Variants in RSBN1L observed in about 807,000 individuals in gnomAD.
RSBN1L encodes the protein round spermatid basic protein 1 like.
In RSBN1L, 30 loss-of-function variants were observed where a neutral mutation model predicts 67.7. The observed-to-expected ratio is 0.44, with a 90% CI of 0.33 to 0.60. The LOEUF (loss-of-function observed/expected upper bound fraction) is 0.60. Ranked by LOEUF, RSBN1L falls within the 20% of genes least tolerant of loss-of-function variation. RSBN1L has a pLI of 0.02. For synonymous variants in RSBN1L, 433 were observed against 387.0 expected, an observed-to-expected ratio of 1.12 and a Z score of -1.39; for missense variants, 992 against 1,031.7, an observed-to-expected ratio of 0.96 and a Z score of 0.53.
intron 1 of RSBN1L, among the ~76,000 whole-genome samples, chr7:77,712,179 T>A (rs1790984014): frequency 6.6e-6 from 1 of 152,144 alleles, no homozygotes; most frequent in Non-Finnish European, 1.5e-5. Flanking sequence ...GTTGTTTTAA[T>A]GATTACATTT....
intron 1 of RSBN1L, among the ~76,000 whole-genome samples, chr7:77,715,977 A>G (rs11768148): frequency 0.24 from 36,666 of 152,046 alleles, 4,667 homozygotes; most frequent in South Asian, 0.29. Context: ...AGTTCTTTAC[A>G]TATTCTGGGT....
At position 77,696,983 on chromosome 7, in the gene RSBN1L, G is replaced by C; in HGVS notation, c.514G>C (p.Gly172Arg). The change falls in exon 1 of 8, where the codon GGT (glycine) becomes CGT (arginine). Residue 172 changes from glycine to arginine, a missense_variant. Gly to Arg is a moderately radical substitution (Grantham distance 125). Coordinates refer to ENST00000334955, the MANE Select transcript of RSBN1L (RefSeq NM_198467.3). Reference sequence around the variant, plus strand: ...GCGGGAGAAGGAGAGGAGGAGGCACGGTCTCGGTGGGGCCCGAGAGGCCGG... The same window carrying C: ...GCGGGAGAAGGAGAGGAGGAGGCACCGTCTCGGTGGGGCCCGAGAGGCCGG... ...EKREKERRRH[G>R]LGGAREAGGA... 1.9e-6 allele frequency: 3 copies of C among 1,549,184 alleles called. No homozygotes were observed. The highest frequency in any genetic ancestry group is 2.6e-6 in the Non-Finnish European group (3 of 1,155,248).
intron 1 of RSBN1L, among the ~76,000 whole-genome samples, chr7:77,698,978 G>A (rs141216684): frequency 8.2e-4 from 125 of 152,120 alleles, no homozygotes; most frequent in African/African-American, 2.8e-3. Context: ...CTGTTTTAAC[G>A]AATTAAGAAG....
At chr7:77,719,667 A>G (rs906583213) in intron 1 of RSBN1L, among the ~76,000 whole-genome samples, 7 of 152,204 alleles carry the variant, frequency 4.6e-5, no homozygotes, top group East Asian at 3.8e-4. Context: ...CTGGAGACCA[A>G]TCTTTTCTGA....
At chr7:77,715,095 A>G (rs1791028816) in intron 1 of RSBN1L, among the ~76,000 whole-genome samples, 2 of 151,978 alleles carry the variant, frequency 1.3e-5, no homozygotes, top group Non-Finnish European at 2.9e-5. Flanking sequence ...AGCATGGTGA[A>G]ACCCTATCTC....
chr7:77,737,631 A>G (rs1791354540), intron 2 of RSBN1L, among the ~76,000 whole-genome samples: 1 of 152,120 alleles, frequency 6.6e-6, no homozygotes, highest in South Asian at 2.1e-4. Flanking sequence ...TTGCCTGCAT[A>G]TTCTATCTGT....
chr7:77,725,532 C>T (rs1236972762), intron 1 of RSBN1L, among the ~76,000 whole-genome samples: 1 of 152,048 alleles, frequency 6.6e-6, no homozygotes, highest in Non-Finnish European at 1.5e-5. Context: ...CAGGCATGAG[C>T]CATGGCGCCC....
At chr7:77,773,961 C>T (rs11771619) in intron 6 of RSBN1L, among the ~76,000 whole-genome samples, 7,415 of 152,246 alleles carry the variant, frequency 0.049, 240 homozygotes, top group Non-Finnish European at 0.075. Context: ...GTATTTATCA[C>T]ATAAGGAAAC....
At chr7:77,767,082 CCCCTTCCCTTT>C (rs1041616888) in intron 4 of RSBN1L, among the ~76,000 whole-genome samples, 4 of 125,692 alleles carry the variant, frequency 3.2e-5, no homozygotes, top group Non-Finnish European at 4.9e-5. Context: ...CCTTCCCCTT[CCCCTTCCCTTT>C]CCCTTTCCCT....
At chr7:77,709,021 G>A (rs1434689046) in intron 1 of RSBN1L, among the ~76,000 whole-genome samples, 1 of 152,140 alleles carries the variant, frequency 6.6e-6, no homozygotes, top group Non-Finnish European at 1.5e-5. Flanking sequence ...TTGAGAGTTG[G>A]CCCACAGAAC....
chr7:77,774,885 A>G lies in RSBN1L; in HGVS notation c.1793+1571A>G, dbSNP rs115879903. The stretch of plus-strand genomic sequence containing the variant: ...AAAATTTTTTTTTTCTTTAAGAGAT[A>G]GGGCCTCACTCTGTTGCCCAGGCTA... On this transcript the variant is annotated intron_variant, in intron 6 of 7. Coordinates refer to ENST00000334955, the MANE Select transcript of RSBN1L (RefSeq NM_198467.3). 6.3e-3 allele frequency among the ~76,000 whole-genome samples: 962 copies of G among 152,208 alleles called. 3 individuals carry two copies. The highest frequency in any genetic ancestry group is 0.022 in the African/African-American group (919 of 41,522).
At chr7:77,726,918 A>G (rs901545878) in intron 1 of RSBN1L, among the ~76,000 whole-genome samples, 1 of 149,926 alleles carries the variant, frequency 6.7e-6, no homozygotes, top group African/African-American at 2.5e-5. Flanking sequence ...AAATGCTGGC[A>G]TTACAGGTGT....
intron 4 of RSBN1L, among the ~76,000 whole-genome samples, chr7:77,767,564 G>C (rs1791787354): frequency 6.6e-6 from 1 of 151,796 alleles, no homozygotes; most frequent in South Asian, 2.1e-4. Context: ...TAGTAGAGAT[G>C]AGGTTTCTCC....
At position 77,780,319 on chromosome 7, in the gene RSBN1L, T is replaced by C. The variant is rs1340579208; in HGVS notation, c.*1151T>C. 1 of 152,194 alleles carries C rather than the reference T, an allele frequency of 6.6e-6. No homozygotes were observed. Among genetic ancestry groups the C allele is most frequent in the Non-Finnish European group, 1.5e-5 (1 of 68,024 alleles). 9.4% of individuals were successfully genotyped at this position (152,194 alleles called of 1,614,324 possible). ...TTGAAAAAAGTTTTATATTAAACTA[T>C]TAAGAAAGCAGTTTAGGTAATAGAA... On this transcript the variant is annotated 3_prime_UTR_variant, in exon 8 of 8. Coordinates refer to ENST00000334955, the MANE Select transcript of RSBN1L (RefSeq NM_198467.3).
At chr7:77,698,231 C>T (rs979729625) in intron 1 of RSBN1L, among the ~76,000 whole-genome samples, 33 of 152,330 alleles carry the variant, frequency 2.2e-4, no homozygotes, top group African/African-American at 7.2e-4. Flanking sequence ...CTAAGCATAG[C>T]CATCAGGGAC....
intron 2 of RSBN1L, among the ~76,000 whole-genome samples, chr7:77,748,923 TTC>T (rs1219984751): frequency 7.5e-5 from 11 of 147,018 alleles, no homozygotes; most frequent in Non-Finnish European, 7.7e-5. Context: ...GTCTCTCTCT[TTC>T]TCTCTCTCTC....
chr7:77,701,943 G>A (rs1001259545), intron 1 of RSBN1L, among the ~76,000 whole-genome samples: 3 of 151,906 alleles, frequency 2.0e-5, no homozygotes, highest in Non-Finnish European at 2.9e-5. Context: ...GTGAGCCACC[G>A]TGGCTGGCCT....
At chr7:77,729,420 A>G (rs1469133612) in intron 1 of RSBN1L, among the ~76,000 whole-genome samples, 2 of 152,220 alleles carry the variant, frequency 1.3e-5, no homozygotes, top group Non-Finnish European at 2.9e-5. Flanking sequence ...TTGAAACCAG[A>G]TGAGATTATT....
intron 2 of RSBN1L, among the ~76,000 whole-genome samples, chr7:77,738,684 A>G (rs1029388946): frequency 6.6e-6 from 1 of 152,198 alleles, no homozygotes; most frequent in Non-Finnish European, 1.5e-5. Context: ...ACAGTGGCTG[A>G]AGCCTGTAAT....
Sources: allele counts gnomAD v4.1 joint callset (sites outside exome capture counted in the v4.1 genomes callset), GRCh38; gene constraint gnomAD v4.1.1; transcripts MANE v1.5; gene names NCBI Gene and HGNC (gene_info 2026-07-23, HGNC 2026-07-21).